SH3RF3: variants seen among roughly 807,000 people sequenced by gnomAD.
SH3RF3 encodes the protein E3 ubiquitin-protein ligase SH3RF3.
Under a neutral mutation model 66.3 loss-of-function variants are expected in SH3RF3, and 29 were observed. That is an observed-to-expected ratio of 0.44 (90% CI 0.33 to 0.60). SH3RF3 has a LOEUF of 0.60. Ranked by LOEUF, SH3RF3 falls within the 20% of genes least tolerant of loss-of-function variation. The probability of loss-of-function intolerance (pLI) is 0.04; values close to 1 mark genes in which losing one functional copy is unlikely to be tolerated. For missense variants in SH3RF3, 1,194 were observed against 1,190.9 expected, an observed-to-expected ratio of 1.00 and a Z score of -0.04; for synonymous variants, 583 against 532.0, an observed-to-expected ratio of 1.10 and a Z score of -1.32.
At chr2:109,268,235 G>A (rs977196952) in intron 1 of SH3RF3, among the ~76,000 whole-genome samples, 1 of 151,960 alleles carries the variant, frequency 6.6e-6, no homozygotes, top group Non-Finnish European at 1.5e-5. Context: ...TGTGTGGAAT[G>A]GAAAACCCTG....
At chr2:109,249,519 T>TTA (rs10646553) in intron 1 of SH3RF3, among the ~76,000 whole-genome samples, 1 of 61,900 alleles carries the variant, frequency 1.6e-5, no homozygotes. Flanking sequence ...CATTCTTTCT[T>TTA]TTTCTTTCTT....
chr2:109,493,345 G>A (rs967589811), intron 9 of SH3RF3, among the ~76,000 whole-genome samples: 40,373 of 146,334 alleles, frequency 0.28, 5,664 homozygotes, highest in East Asian at 0.51. Flanking sequence ...CCCCACATAC[G>A]TCATACAAAC....
intron 1 of SH3RF3, among the ~76,000 whole-genome samples, chr2:109,155,585 G>A (rs1677327479): frequency 6.6e-6 from 1 of 152,200 alleles, no homozygotes; most frequent in Non-Finnish European, 1.5e-5. Flanking sequence ...ACAGGCCTGA[G>A]CCACCGTGCC....
chr2:109,282,542 C>T (rs1219125503), intron 1 of SH3RF3, among the ~76,000 whole-genome samples: 2 of 152,270 alleles, frequency 1.3e-5, no homozygotes, highest in East Asian at 1.9e-4. Flanking sequence ...TGGTACTGCC[C>T]TGTGCCTCAG....
intron 3 of SH3RF3, among the ~76,000 whole-genome samples, chr2:109,375,935 A>G (rs1332040160): frequency 6.6e-6 from 1 of 152,178 alleles, no homozygotes; most frequent in Non-Finnish European, 1.5e-5. Flanking sequence ...TCACCTGCAC[A>G]TTGGGGGCAT....
intron 2 of SH3RF3, among the ~76,000 whole-genome samples, chr2:109,367,530 C>A (rs1683174855): frequency 6.6e-6 from 1 of 152,134 alleles, no homozygotes; most frequent in African/African-American, 2.4e-5. Flanking sequence ...GATCCACCGA[C>A]CTCGGCCTCC....
chr2:109,414,379 T>G (rs548394307), intron 4 of SH3RF3, among the ~76,000 whole-genome samples: 1 of 152,322 alleles, frequency 6.6e-6, no homozygotes, highest in African/African-American at 2.4e-5. Flanking sequence ...GCTTGATTTC[T>G]ATAGTCTTGG....
chr2:109,199,637 T>TTAACC, intron 1 of SH3RF3, among the ~76,000 whole-genome samples: 1 of 50 alleles, frequency 0.02, no homozygotes, highest in Non-Finnish European at 0.036. Context: ...TGGAATGGAA[T>TTAACC]GGAATGGAAT....
chr2:109,157,561 T>G (rs1206994445), intron 1 of SH3RF3, among the ~76,000 whole-genome samples: 1 of 152,232 alleles, frequency 6.6e-6, no homozygotes, highest in Non-Finnish European at 1.5e-5. Flanking sequence ...GAAAAAGATT[T>G]CCTTGGTCTC....
intron 1 of SH3RF3, among the ~76,000 whole-genome samples, chr2:109,265,571 T>C (rs2105303075): frequency 6.6e-6 from 1 of 152,276 alleles, no homozygotes; most frequent in East Asian, 1.9e-4. Context: ...TCAGGGCAGG[T>C]GTGGCTCTTC....
intron 1 of SH3RF3, among the ~76,000 whole-genome samples, chr2:109,297,025 A>G (rs35443558): frequency 0.34 from 52,309 of 151,828 alleles, 9,184 homozygotes; most frequent in South Asian, 0.41. Context: ...CACCTGCTGT[A>G]TGCCTGGCCC....
chr2:109,399,002 T>C, intron 4 of SH3RF3, 59 bp downstream of exon 4: 2 of 1,502,430 alleles, frequency 1.3e-6, no homozygotes, highest in Middle Eastern at 1.8e-4. Context: ...TATCCTCAGC[T>C]CCGTGTTCAG....
chr2:109,447,147 TAAAAAA>T (rs61240132), intron 7 of SH3RF3, among the ~76,000 whole-genome samples: 6 of 82,704 alleles, frequency 7.3e-5, no homozygotes, highest in African/African-American at 1.5e-4. Flanking sequence ...CCTGAATATT[TAAAAAA>T]AAAAAAAAAA....
chr2:109,181,142 G>A (rs1329025041), intron 1 of SH3RF3, among the ~76,000 whole-genome samples: 12 of 152,138 alleles, frequency 7.9e-5, no homozygotes, highest in Admixed American at 7.9e-4. Flanking sequence ...CTTCCAGCTC[G>A]TCTGTGTTTG....
Position 109,189,256 on chromosome 2 carries a change from A to G in SH3RF3, c.573+59143A>G, listed in dbSNP as rs138834209. The stretch of plus-strand genomic sequence containing the variant: ...AAGGAGGTGGCGTGAGGTCTGGCCA[A>G]GCTTGATCTGGAGTTACCTGGCCTT... On this transcript the variant is annotated intron_variant, in intron 1 of 9. Transcript: ENST00000309415. Among the ~76,000 whole-genome samples, 248 of 151,682 alleles carry G rather than the reference A, an allele frequency of 1.6e-3. 2 individuals carry two copies. Among genetic ancestry groups the G allele is most frequent in the African/African-American group, 5.8e-3 (241 of 41,348 alleles).
At chr2:109,374,739 G>T (rs915494089) in intron 3 of SH3RF3, among the ~76,000 whole-genome samples, 1 of 152,148 alleles carries the variant, frequency 6.6e-6, no homozygotes, top group Non-Finnish European at 1.5e-5. Flanking sequence ...CTCCACAGCC[G>T]CTCCAGCCGG....
intron 1 of SH3RF3, among the ~76,000 whole-genome samples, chr2:109,215,164 C>T (rs889749804): frequency 2.0e-5 from 3 of 152,222 alleles, no homozygotes; most frequent in Non-Finnish European, 4.4e-5. Context: ...TTCTCTCTCT[C>T]TGAGCATTGC....
At chr2:109,404,289 C>A (rs1676391027) in intron 4 of SH3RF3, among the ~76,000 whole-genome samples, 1 of 152,204 alleles carries the variant, frequency 6.6e-6, no homozygotes, top group East Asian at 1.9e-4. Context: ...GATGAGAATG[C>A]TGAAAAGGAA....
intron 8 of SH3RF3, among the ~76,000 whole-genome samples, chr2:109,486,919 A>C (rs751705388): frequency 6.6e-6 from 1 of 152,234 alleles, no homozygotes; most frequent in Non-Finnish European, 1.5e-5. Flanking sequence ...TGTTCCTAAC[A>C]GATCCGGCTG....
Sources: gnomAD v4.1 joint callset for allele counts (sites outside exome capture counted in the v4.1 genomes callset) on GRCh38, gnomAD v4.1.1 for gene constraint, MANE v1.5 for transcripts, NCBI Gene and HGNC (gene_info 2026-07-23, HGNC 2026-07-21) for gene names.